Variants in CTNNA3 observed in about 807,000 individuals in gnomAD.
The protein encoded by CTNNA3 is catenin alpha 3.
CTNNA3 carries 76 observed loss-of-function variants against 95.7 expected under a neutral mutation model. That is an observed-to-expected ratio of 0.79 (90% CI 0.66 to 0.96). The LOEUF (loss-of-function observed/expected upper bound fraction) is 0.96, where lower values mean the gene tolerates loss of function less well. Ranked by LOEUF, CTNNA3 falls within the 40% of genes least tolerant of loss-of-function variation. The probability of loss-of-function intolerance (pLI) is 0.00; values close to 1 mark genes in which losing one functional copy is unlikely to be tolerated. For missense variants in CTNNA3, 1,191 were observed against 1,089.8 expected, an observed-to-expected ratio of 1.09 and a Z score of -1.31; for synonymous variants, 431 against 374.4, an observed-to-expected ratio of 1.15 and a Z score of -1.74.
chr10:67,543,679 A>G (rs1433741246), intron 3 of CTNNA3, among the ~76,000 whole-genome samples: 1 of 152,178 alleles, frequency 6.6e-6, no homozygotes, highest in Non-Finnish European at 1.5e-5. Context: ...TGATACAAAT[A>G]CATCATGGTA....
chr10:67,396,605 A>T (rs750923805), intron 5 of CTNNA3, among the ~76,000 whole-genome samples: 48 of 152,230 alleles, frequency 3.2e-4, no homozygotes, highest in Non-Finnish European at 6.6e-4. Context: ...TAAACAATTA[A>T]CAAACATTTT....
chr10:67,383,337 C>T (rs1844020896), intron 5 of CTNNA3, among the ~76,000 whole-genome samples: 1 of 152,162 alleles, frequency 6.6e-6, no homozygotes, highest in Non-Finnish European at 1.5e-5. Context: ...CAAGGCATTA[C>T]ATGCGTAATG....
intron 7 of CTNNA3, among the ~76,000 whole-genome samples, chr10:67,154,342 C>T (rs991236648): frequency 3.3e-5 from 5 of 151,930 alleles, no homozygotes; most frequent in South Asian, 2.1e-4. Context: ...CTAAGGACAA[C>T]GAATTCTGCT....
chr10:67,611,207 T>A (rs1383180709), intron 2 of CTNNA3, among the ~76,000 whole-genome samples: 4 of 152,200 alleles, frequency 2.6e-5, no homozygotes, highest in Non-Finnish European at 4.4e-5. Flanking sequence ...CTTCTCTAAA[T>A]GCTCTAAAGA....
chr10:67,741,313 AAAAAAATAAAAAAAT>A (rs1841336811), intron 1 of CTNNA3, among the ~76,000 whole-genome samples: 2 of 148,462 alleles, frequency 1.3e-5, no homozygotes, highest in African/African-American at 2.4e-5. Flanking sequence ...GTATAATAAT[AAAAAAATAAAAAAAT>A]AAAAAATAAA....
At chr10:67,189,113 TCAAACAAA>T (rs1271824679) in intron 6 of CTNNA3, among the ~76,000 whole-genome samples, 2 of 147,028 alleles carry the variant, frequency 1.4e-5, no homozygotes, top group East Asian at 3.9e-4. Context: ...CGAGACCCTG[TCAAACAAA>T]CAAACAAACA....
At chr10:67,362,420 T>C (rs1216970602) in intron 5 of CTNNA3, among the ~76,000 whole-genome samples, 1 of 152,096 alleles carries the variant, frequency 6.6e-6, no homozygotes, top group African/African-American at 2.4e-5. Context: ...AAAAGTTATT[T>C]CACCATGATC....
chr10:67,405,463 T>C (rs1353969436), intron 5 of CTNNA3, among the ~76,000 whole-genome samples: 1 of 152,104 alleles, frequency 6.6e-6, no homozygotes, highest in African/African-American at 2.4e-5. Flanking sequence ...TATTACATAA[T>C]GATAAAGGGT....
In CTNNA3 at chr10:67,003,487, G is replaced by A. The variant is rs555949395; in HGVS notation, c.1047+176830C>T. Among the ~76,000 whole-genome samples, 14 of 152,242 alleles carry A rather than the reference G, an allele frequency of 9.2e-5. No individual in the cohort carries two copies. The South Asian group carries it at 1.5e-3, about 16-fold the overall frequency. On this transcript the variant is annotated intron_variant, in intron 7 of 17. Coordinates refer to ENST00000433211, the MANE Select transcript of CTNNA3 (RefSeq NM_013266.4). ...AGGTTCCAAGATCGAATACTTTTGG[G>A]AAACTTTGCATACTATATTCCCAAT... is the stretch of plus-strand genomic sequence containing the variant.
Position 66,802,486 on chromosome 10 carries a change from G to A in CTNNA3, c.1048-26962C>T, listed in dbSNP as rs191862141. Among the ~76,000 whole-genome samples the A allele has an allele frequency of 3.0e-4, 45 of 151,764 alleles. No homozygotes were observed. The East Asian group carries it at 6.0e-3, about 20-fold the overall frequency. ...ATGGCTAAAATTAAAAAGACTGACC[G>A]TACCAAATGTTGGCAAGGATGTGGA... On this transcript the variant is annotated intron_variant, in intron 7 of 17. Coordinates refer to ENST00000433211, the MANE Select transcript of CTNNA3 (RefSeq NM_013266.4).
At chr10:66,744,295 A>T (rs1407519127) in intron 9 of CTNNA3, among the ~76,000 whole-genome samples, 1 of 152,170 alleles carries the variant, frequency 6.6e-6, no homozygotes, top group Non-Finnish European at 1.5e-5. Flanking sequence ...TTGGCCAAAA[A>T]TACTGTTTCT....
At chr10:66,624,531 G>C (rs1388079930) in intron 9 of CTNNA3, among the ~76,000 whole-genome samples, 1 of 152,106 alleles carries the variant, frequency 6.6e-6, no homozygotes, top group Non-Finnish European at 1.5e-5. Context: ...AGCCATGCAG[G>C]GGATGGGATA....
At chr10:67,637,655 T>G (rs1195843493) in intron 2 of CTNNA3, among the ~76,000 whole-genome samples, 1 of 152,088 alleles carries the variant, frequency 6.6e-6, no homozygotes, top group African/African-American at 2.4e-5. Flanking sequence ...ATCAGACTAA[T>G]AGCTGATCTC....
At chr10:66,652,113 A>C (rs1845930366) in intron 9 of CTNNA3, among the ~76,000 whole-genome samples, 1 of 128,646 alleles carries the variant, frequency 7.8e-6, no homozygotes, top group Non-Finnish European at 1.7e-5. Context: ...AAAAAAAAAA[A>C]AAAAAACTAA....
intron 12 of CTNNA3, among the ~76,000 whole-genome samples, chr10:66,314,236 A>C (rs1010708750): frequency 6.6e-6 from 1 of 152,218 alleles, no homozygotes; most frequent in Non-Finnish European, 1.5e-5. Flanking sequence ...TAGATGTCCT[A>C]GATAAAGAAG....
chr10:67,546,775 C>T (rs1033047135), intron 3 of CTNNA3, among the ~76,000 whole-genome samples: 2 of 152,004 alleles, frequency 1.3e-5, no homozygotes, highest in Admixed American at 1.3e-4. Context: ...AAAAAATAAA[C>T]CTTATAACTA....
chr10:67,040,796 T>G (rs1854345837), intron 7 of CTNNA3, among the ~76,000 whole-genome samples: 1 of 152,112 alleles, frequency 6.6e-6, no homozygotes, highest in Non-Finnish European at 1.5e-5. Flanking sequence ...GTGGTATTTT[T>G]AAAATTATAC....
At chr10:67,065,300 G>C (rs930947021) in intron 7 of CTNNA3, among the ~76,000 whole-genome samples, 18 of 151,878 alleles carry the variant, frequency 1.2e-4, no homozygotes, top group Non-Finnish European at 2.4e-4. Flanking sequence ...TAAAAACCAA[G>C]GTTAATAATT....
intron 7 of CTNNA3, among the ~76,000 whole-genome samples, chr10:67,083,834 T>C (rs1421632655): frequency 6.6e-6 from 1 of 152,156 alleles, no homozygotes; most frequent in Non-Finnish European, 1.5e-5. Context: ...TCTGATTTAC[T>C]TGCAAAAGCT....
Sources: gnomAD v4.1 joint callset for allele counts (sites outside exome capture counted in the v4.1 genomes callset) on GRCh38, gnomAD v4.1.1 for gene constraint, MANE v1.5 for transcripts, NCBI Gene and HGNC (gene_info 2026-07-23, HGNC 2026-07-21) for gene names.